The following COBLL1 variants were observed in gnomAD, a reference collection of about 807,000 sequenced individuals.
The protein encoded by COBLL1 is cordon-bleu WH2 repeat protein like 1.
Under a neutral mutation model 94.8 loss-of-function variants are expected in COBLL1, and 50 were observed. The observed-to-expected ratio is 0.53, with a 90% CI of 0.42 to 0.67. The LOEUF is 0.67. Among genes scored for constraint, COBLL1 ranks in the 30% least tolerant of loss-of-function variants. The pLI, the probability that COBLL1 is intolerant of heterozygous loss-of-function variation, is 0.00. For missense variants in COBLL1, 1,362 were observed against 1,348.7 expected (o/e 1.01, Z -0.15); for synonymous variants, 448 against 473.8 (o/e 0.95, Z 0.71).
At chr2:164,732,474 T>A (rs1158428881) in intron 3 of COBLL1, among the ~76,000 whole-genome samples, 1 of 152,234 alleles carries the variant, frequency 6.6e-6, no homozygotes, top group African/African-American at 2.4e-5. Flanking sequence ...TTGGAAATAG[T>A]ACTTTCTTTG....
Position 164,681,184 on chromosome 2 carries a change from A to G in COBLL1, c.*4762T>C, listed in dbSNP as rs1376528558. The G allele has an allele frequency of 1.3e-5, 2 of 152,086 alleles. No individual in the cohort carries two copies. The highest frequency in any genetic ancestry group is 4.8e-5 in the African/African-American group (2 of 41,400). 9.4% of individuals were successfully genotyped at this position (152,086 alleles called of 1,614,324 possible). A position where few individuals can be genotyped will look rare whatever the true frequency, so the allele number is the denominator to read the frequency against. Reference sequence around the variant, plus strand: ...TATTGCCACATTAATGCTGTATATAAACCAACCACAAACCTTGGTGGTATT... The same window carrying G: ...TATTGCCACATTAATGCTGTATATAGACCAACCACAAACCTTGGTGGTATT... On this transcript the variant is annotated 3_prime_UTR_variant, in exon 14 of 14. Transcript: ENST00000652658.
rs1411429377 is a variant in COBLL1 at position 164,743,888 on chromosome 2, G to A, written c.42-13C>T. 3.3e-6 allele frequency: 5 copies of A among 1,493,182 alleles called. No homozygotes were observed. The highest frequency in any genetic ancestry group is 4.5e-6 in the Non-Finnish European group (5 of 1,115,988). The allele number at this position is 1,493,182 out of a possible 1,614,324, so 92.5% of individuals were successfully genotyped here. A position where few individuals can be genotyped will look rare whatever the true frequency, so the allele number is the denominator to read the frequency against. On this transcript the variant is annotated splice_polypyrimidine_tract_variant and intron_variant, in intron 2 of 13. Coordinates refer to ENST00000652658, the MANE Select transcript of COBLL1 (RefSeq NM_001365672.2). Reference sequence around the variant, plus strand: ...TTTTGGTTTTCTCCTAAAATATAAAGAAAACACAAAAAATACAAAATATTT... The same window carrying A: ...TTTTGGTTTTCTCCTAAAATATAAAAAAAACACAAAAAATACAAAATATTT...
intron 8 of COBLL1, among the ~76,000 whole-genome samples, chr2:164,704,724 TCA>T (rs1272211381): frequency 6.6e-6 from 1 of 152,236 alleles, no homozygotes; most frequent in Non-Finnish European, 1.5e-5. Flanking sequence ...CTGAATAAAT[TCA>T]CAGATTATGA....
chr2:164,841,565 C>T lies in COBLL1; in HGVS notation c.-51+145G>A, dbSNP rs965394952. 2 of 649,018 alleles carry T rather than the reference C, an allele frequency of 3.1e-6. No homozygotes were observed. Among genetic ancestry groups the T allele is most frequent in the Non-Finnish European group, 4.1e-6 (2 of 490,500 alleles). 40.2% of individuals were successfully genotyped at this position (649,018 alleles called of 1,614,324 possible). ...GGCTGGAAAAGGAGGAGGAGCGGGG[C>T]CGGGCGCACGGGCACCGCTGCCACG... On this transcript the variant is annotated intron_variant, in intron 1 of 13. Transcript: ENST00000652658. The surrounding 1 kb of genome is among the most constrained non-coding windows in gnomAD (Gnocchi z 5.5).
chr2:164,797,147 T>C (rs1171419299), intron 2 of COBLL1, among the ~76,000 whole-genome samples: 1 of 152,216 alleles, frequency 6.6e-6, no homozygotes, highest in Non-Finnish European at 1.5e-5. Context: ...CCTTTGTTGA[T>C]GTCATAAGTT....
At chr2:164,820,881 TTTTTG>T (rs747279667) in intron 2 of COBLL1, among the ~76,000 whole-genome samples, 12 of 152,064 alleles carry the variant, frequency 7.9e-5, no homozygotes, top group African/African-American at 2.4e-4. Flanking sequence ...CATGGACAAT[TTTTTG>T]TTTTGTTTTG....
In COBLL1 at chr2:164,685,058, GAATT is replaced by G. The variant is rs1269511593; in HGVS notation, c.*884_*887del. The G allele has an allele frequency of 6.6e-6, 1 of 151,962 alleles. No homozygotes were observed. Among genetic ancestry groups the G allele is most frequent in the Non-Finnish European group, 1.5e-5 (1 of 67,988 alleles). The allele number at this position is 151,962 out of a possible 1,614,324, so 9.4% of individuals were successfully genotyped here. On this transcript the variant is annotated 3_prime_UTR_variant, in exon 14 of 14. Transcript: ENST00000652658. ...TAATGACTATTTTATCATTTTACTT[GAATT>G]AAAACCAGAATTTCTGGAACTTCCA...
intron 5 of COBLL1, among the ~76,000 whole-genome samples, chr2:164,725,285 C>T (rs13414649): frequency 2.0e-5 from 3 of 151,694 alleles, no homozygotes; most frequent in South Asian, 4.1e-4. Context: ...ATTATTTTTA[C>T]ATTTGCCACT....
rs538072175 is a variant in COBLL1, at chr2:164,730,979, C to T, written c.231-864G>A. Among the ~76,000 whole-genome samples the T allele has an allele frequency of 4.6e-5, 7 of 152,320 alleles. No homozygotes were observed. In the South Asian group the frequency reaches 8.3e-4, roughly 18 times the overall value. ...GTACAAGTATTATAGTATATCTGTTCTCATAGATCTAACACTCTACTGGAT... is the reference window on the plus strand; with the variant it reads ...GTACAAGTATTATAGTATATCTGTTTTCATAGATCTAACACTCTACTGGAT... On this transcript the variant is annotated intron_variant, in intron 3 of 13. Transcript: ENST00000652658.
chr2:164,742,884 C>G (rs1180218170), intron 3 of COBLL1, among the ~76,000 whole-genome samples: 1 of 151,748 alleles, frequency 6.6e-6, no homozygotes, highest in South Asian at 2.1e-4. Flanking sequence ...AGCGAGCGAG[C>G]TAAGGTCAAA....
chr2:164,758,916 C>T (rs545867640), intron 2 of COBLL1, among the ~76,000 whole-genome samples: 122 of 151,804 alleles, frequency 8.0e-4, no homozygotes, highest in Non-Finnish European at 1.3e-3. Context: ...AAAAAAAGTT[C>T]TCCACCAAAG....
At chr2:164,768,943 T>C (rs1688067931) in intron 2 of COBLL1, among the ~76,000 whole-genome samples, 2 of 152,168 alleles carry the variant, frequency 1.3e-5, no homozygotes, top group Admixed American at 6.6e-5. Context: ...TTATTGTAAA[T>C]GTTCACAATT....
chr2:164,824,681 A>C (rs1450756775), intron 2 of COBLL1, among the ~76,000 whole-genome samples: 2 of 152,116 alleles, frequency 1.3e-5, no homozygotes, highest in Non-Finnish European at 2.9e-5. Context: ...ATAAATCAGA[A>C]TACATCTTAA....
chr2:164,816,598 G>A (rs1379172381), intron 2 of COBLL1, among the ~76,000 whole-genome samples: 2 of 152,270 alleles, frequency 1.3e-5, no homozygotes. Context: ...ATATTATACT[G>A]TAAGAATCCA....
Position 164,841,782 on chromosome 2 carries a change from G to A in COBLL1, c.-123C>T. On this transcript the variant is annotated 5_prime_UTR_variant, in exon 1 of 14. Coordinates refer to ENST00000652658, the MANE Select transcript of COBLL1 (RefSeq NM_001365672.2). The surrounding 1 kb of genome is among the most constrained non-coding windows in gnomAD (Gnocchi z 5.5). ...TCCTCTCCTACTCTTCCCTTCCCCG[G>A]CCCGCGCTCTTGCCGCTCGGCTCTC... 1.8e-6 allele frequency: 1 copy of A among 562,524 alleles called. No individual in the cohort carries two copies. The highest frequency in any genetic ancestry group is 3.1e-6 in the Non-Finnish European group (1 of 324,758). 34.8% of individuals were successfully genotyped at this position (562,524 alleles called of 1,614,324 possible).
chr2:164,805,323 C>A (rs1403412856), intron 2 of COBLL1, among the ~76,000 whole-genome samples: 1,409 of 33,204 alleles, frequency 0.042, 118 homozygotes, highest in Non-Finnish European at 0.054. Context: ...CTCTCTCTCT[C>A]TCTCTCTCTC....
intron 2 of COBLL1, among the ~76,000 whole-genome samples, chr2:164,828,145 C>T (rs151151797): frequency 6.6e-5 from 10 of 152,256 alleles, no homozygotes; most frequent in African/African-American, 2.2e-4. Flanking sequence ...CATAACTGAG[C>T]TCCTATCGTT....
intron 3 of COBLL1, among the ~76,000 whole-genome samples, chr2:164,732,880 C>T (rs1686090686): frequency 6.6e-6 from 1 of 152,092 alleles, no homozygotes; most frequent in Non-Finnish European, 1.5e-5. Flanking sequence ...GTGGTGAAAC[C>T]CCATCTCTAC....
chr2:164,825,440 A>G (rs1685376097), intron 2 of COBLL1, among the ~76,000 whole-genome samples: 1 of 152,028 alleles, frequency 6.6e-6, no homozygotes, highest in South Asian at 2.1e-4. Flanking sequence ...TTTACTTAGG[A>G]AAAAAAATAG....
Sources: gnomAD v4.1 joint callset for allele counts (sites outside exome capture counted in the v4.1 genomes callset) on GRCh38, gnomAD v4.1.1 for gene constraint, Gnocchi (gnomAD v3.1) non-coding constraint, MANE v1.5 for transcripts, NCBI Gene and HGNC (gene_info 2026-07-23, HGNC 2026-07-21) for gene names.